ADGRE1: variants seen among roughly 807,000 people sequenced by gnomAD.
ADGRE1 encodes adhesion G protein-coupled receptor E1.
Under a neutral mutation model 102.7 loss-of-function variants are expected in ADGRE1, and 82 were observed. The ratio of observed to expected loss-of-function variants is 0.80; its 90% confidence interval spans 0.67 to 0.96. The LOEUF is 0.96. Among genes scored for constraint, ADGRE1 ranks in the 40% least tolerant of loss-of-function variants. ADGRE1 has a pLI of 0.00. For synonymous variants in ADGRE1, 398 were observed against 399.6 expected (o/e 1.00, Z 0.05); for missense variants, 1,032 against 1,085.3 (o/e 0.95, Z 0.69).
intron 17 of ADGRE1, among the ~76,000 whole-genome samples, chr19:6,932,390 C>T (rs1286837393): frequency 6.6e-6 from 1 of 152,116 alleles, no homozygotes; most frequent in Non-Finnish European, 1.5e-5. Flanking sequence ...ATGGCGTGAA[C>T]CTGGGCGGTG....
chr19:6,919,778 G>T lies in ADGRE1; in HGVS notation c.1620+31G>T, dbSNP rs900691252. 4.4e-6 allele frequency: 7 copies of T among 1,603,202 alleles called. No individual in the cohort carries two copies. The African/African-American group carries it at 8.0e-5, about 18-fold the overall frequency. ...TGAAGAGGTCTCTACTGAGATTCTT[G>T]TCTACCTGTTGGGAACTCCTCGTCT... On this transcript the variant is annotated intron_variant, in intron 13 of 20. Coordinates refer to ENST00000312053, the MANE Select transcript of ADGRE1 (RefSeq NM_001974.5).
chr19:6,914,567 C>T (rs774588165), intron 11 of ADGRE1, among the ~76,000 whole-genome samples: 5 of 152,172 alleles, frequency 3.3e-5, no homozygotes, highest in Admixed American at 6.5e-5. Context: ...CATAAACCTA[C>T]GAAGTTCCTA....
chr19:6,907,486 C>T (rs144786486), intron 9 of ADGRE1, among the ~76,000 whole-genome samples: 3 of 151,938 alleles, frequency 2.0e-5, no homozygotes, highest in African/African-American at 4.8e-5. Context: ...ACTACAGGCA[C>T]CCACCACCAT....
At chr19:6,889,790 T>C (rs1272439498) in intron 1 of ADGRE1, among the ~76,000 whole-genome samples, 1 of 151,990 alleles carries the variant, frequency 6.6e-6, no homozygotes, top group Non-Finnish European at 1.5e-5. Flanking sequence ...ATGTATTTTC[T>C]ATATATACAT....
chr19:6,940,294 A>T lies in ADGRE1; in HGVS notation c.*265A>T. 1.8e-6 allele frequency: 1 copy of T among 554,348 alleles called. No homozygotes were observed. The highest frequency in any genetic ancestry group is 3.2e-6 in the Non-Finnish European group (1 of 310,916). The allele number at this position is 554,348 out of a possible 1,614,324, so 34.3% of individuals were successfully genotyped here. A position where few individuals can be genotyped will look rare whatever the true frequency, so the allele number is the denominator to read the frequency against. On this transcript the variant is annotated 3_prime_UTR_variant, in exon 21 of 21. Coordinates refer to ENST00000312053, the MANE Select transcript of ADGRE1 (RefSeq NM_001974.5). ...CCAGAGTTTCTGAGAACAGACCCAA[A>T]TTCAATGGCATGACCAAGAACACCT...
At chr19:6,908,826 CTT>C (rs1974068173) in intron 10 of ADGRE1, 54 bp downstream of exon 10, 29 of 1,538,236 alleles carry the variant, frequency 1.9e-5, no homozygotes, top group Non-Finnish European at 2.5e-5. Context: ...CTTGGGCACA[CTT>C]TGGGTGCAGA....
At chr19:6,890,568 AT>A (rs773644094) in intron 2 of ADGRE1, 25 bp downstream of exon 2, 20 of 1,608,550 alleles carry the variant, frequency 1.2e-5, no homozygotes, top group Non-Finnish European at 1.5e-5. Context: ...GAGAATGCAG[AT>A]GCCTGAAGGG....
chr19:6,913,149 G>A (rs1263278335), intron 10 of ADGRE1, among the ~76,000 whole-genome samples: 3 of 152,042 alleles, frequency 2.0e-5, no homozygotes, highest in African/African-American at 7.2e-5. Flanking sequence ...GTCCAGGCTG[G>A]TCTTGAATTC....
In ADGRE1 at chr19:6,940,220, T is replaced by A; in HGVS notation, c.*191T>A. On this transcript the variant is annotated 3_prime_UTR_variant, in exon 21 of 21. Coordinates refer to ENST00000312053, the MANE Select transcript of ADGRE1 (RefSeq NM_001974.5). ...ATGCACTGATGAGAAATCAGGCGTT[T>A]CTGCTCCAAACGACCATTTTATCTT... 1.5e-6 allele frequency: 1 copy of A among 648,274 alleles called. No homozygotes were observed. Among genetic ancestry groups the A allele is most frequent in the Non-Finnish European group, 2.6e-6 (1 of 377,838 alleles). The allele number at this position is 648,274 out of a possible 1,614,324, so 40.2% of individuals were successfully genotyped here.
At chr19:6,914,582 A>T (rs1460289505) in intron 11 of ADGRE1, among the ~76,000 whole-genome samples, 1 of 152,160 alleles carries the variant, frequency 6.6e-6, no homozygotes, top group East Asian at 1.9e-4. Context: ...TTCCTACCTA[A>T]TGGATGCCCA....
chr19:6,933,326 G>C (rs550657524), intron 17 of ADGRE1, among the ~76,000 whole-genome samples: 82 of 152,044 alleles, frequency 5.4e-4, no homozygotes, highest in African/African-American at 1.9e-3. Context: ...TTCCCCTGGG[G>C]CCGTGATTCT....
In ADGRE1 at chr19:6,926,329, G is replaced by A. The variant is rs371066855; in HGVS notation, c.1987-37G>A. On this transcript the variant is annotated intron_variant, in intron 15 of 20. Transcript: ENST00000312053. ...TTTCTTCCTTTCGATTTCTCTCTGG[G>A]GTGGAGGATTCTGATGCGCATGCTT... The A allele has an allele frequency of 6.9e-5, 110 of 1,602,418 alleles. 3 individuals are homozygous for A. In the East Asian group the frequency reaches 1.1e-3, roughly 16 times the overall value.
chr19:6,921,611 G>C, intron 13 of ADGRE1, 102 bp from the exon 14 acceptor site: 5 of 1,318,192 alleles, frequency 3.8e-6, no homozygotes, highest in Non-Finnish European at 5.1e-6. Flanking sequence ...AACATACCCT[G>C]TGTATTCTTG....
intron 13 of ADGRE1, among the ~76,000 whole-genome samples, chr19:6,920,354 G>A (rs2144977214): frequency 6.6e-6 from 1 of 151,854 alleles, no homozygotes; most frequent in East Asian, 1.9e-4. Context: ...CGAGTAGCTG[G>A]GATTACAGGC....
At chr19:6,934,896 C>T (rs1026674621) in intron 17 of ADGRE1, 91 bp from the exon 18 acceptor site, 5 of 821,616 alleles carry the variant, frequency 6.1e-6, no homozygotes, top group Non-Finnish European at 8.8e-6. Flanking sequence ...CGTGAGCCAC[C>T]ACGCCCAGCC....
At chr19:6,919,438 CCCTCTGTG>C in intron 12 of ADGRE1, 102 bp from the exon 13 acceptor site, 1 of 537,508 alleles carries the variant, frequency 1.9e-6, no homozygotes, top group Admixed American at 3.6e-5. Flanking sequence ...CCCCCTCCCT[CCCTCTGTG>C]TGTGTGTGTG....
chr19:6,938,625 T>G (rs1174072266), intron 20 of ADGRE1, among the ~76,000 whole-genome samples: 1 of 151,946 alleles, frequency 6.6e-6, no homozygotes, highest in African/African-American at 2.4e-5. Flanking sequence ...AAAATGGGGA[T>G]AATGGTAATC....
At chr19:6,916,111 T>A (rs1488587590) in intron 11 of ADGRE1, 138 bp from the exon 12 acceptor site, 6 of 897,956 alleles carry the variant, frequency 6.7e-6, no homozygotes, top group Non-Finnish European at 1.0e-5. Context: ...GGCCTCAAGA[T>A]CTTTCCTATG....
intron 1 of ADGRE1, 150 bp from the exon 2 acceptor site, chr19:6,890,331 T>TATAAATATTATACACTTATGCAAAATAG: frequency 1.5e-6 from 1 of 663,488 alleles, no homozygotes; most frequent in Admixed American, 3.0e-5. Flanking sequence ...TAGTGTATGT[T>TATAAATATTATACACTTATGCAAAATAG]TGTTCCTTAA....
Sources: gnomAD v4.1 joint callset for allele counts (sites outside exome capture counted in the v4.1 genomes callset) on GRCh38, gnomAD v4.1.1 for gene constraint, MANE v1.5 for transcripts, NCBI Gene and HGNC (gene_info 2026-07-23, HGNC 2026-07-21) for gene names.